PRMT8: variants seen among roughly 807,000 people sequenced by gnomAD.
PRMT8 encodes protein arginine methyltransferase 8.
PRMT8 carries 7 observed loss-of-function variants against 47.1 expected under a neutral mutation model. The ratio of observed to expected loss-of-function variants is 0.15; its 90% confidence interval spans 0.08 to 0.28. PRMT8 has a LOEUF of 0.28. PRMT8 is among the 10% of genes least tolerant of loss of function. The pLI, the probability that PRMT8 is intolerant of heterozygous loss-of-function variation, is 1.00. For synonymous variants in PRMT8, 188 were observed against 186.5 expected, an observed-to-expected ratio of 1.01 and a Z score of -0.07; for missense variants, 237 against 505.4, an observed-to-expected ratio of 0.47 and a Z score of 5.09.
At chr12:3,548,555 G>A (rs1866365204) in intron 2 of PRMT8, among the ~76,000 whole-genome samples, 1 of 151,266 alleles carries the variant, frequency 6.6e-6, no homozygotes, top group African/African-American at 2.4e-5. Context: ...TGATACATGT[G>A]AATAGCCAAT....
intron 2 of PRMT8, among the ~76,000 whole-genome samples, chr12:3,541,152 G>T (rs1385568521): frequency 6.6e-6 from 1 of 152,226 alleles, no homozygotes; most frequent in Non-Finnish European, 1.5e-5. Flanking sequence ...CTCAAATGCT[G>T]CAGTCAGAGT....
chr12:3,549,508 TTTA>T lies in PRMT8; in HGVS notation c.262-427_262-425del, dbSNP rs201940380. Among the ~76,000 whole-genome samples, 536 of 147,550 alleles carry T rather than the reference TTTA, an allele frequency of 3.6e-3. 2 individuals are homozygous for T. Among genetic ancestry groups the T allele is most frequent in the African/African-American group, 0.013 (520 of 40,098 alleles). On this transcript the variant is annotated intron_variant, in intron 2 of 9. Coordinates refer to ENST00000382622, the MANE Select transcript of PRMT8 (RefSeq NM_019854.5). ...ACACATTTTCTAGTCTTTTTTTTTT[TTTA>T]AAAAAAAGGCAAACAAAACAAAATA... is the stretch of plus-strand genomic sequence containing the variant.
chr12:3,544,436 C>T lies in PRMT8; in HGVS notation c.261+3645C>T, dbSNP rs1866290508. Reference sequence around the variant, plus strand: ...GGGGGTCTCCCCATTAGCAAACATACTCTCTGTTAGGTTTTGAAGGGAAGG... The same window carrying T: ...GGGGGTCTCCCCATTAGCAAACATATTCTCTGTTAGGTTTTGAAGGGAAGG... On this transcript the variant is annotated intron_variant, in intron 2 of 9. Coordinates refer to ENST00000382622, the MANE Select transcript of PRMT8 (RefSeq NM_019854.5). 2.6e-5 allele frequency among the ~76,000 whole-genome samples: 4 copies of T among 152,204 alleles called. No individual in the cohort carries two copies. In the South Asian group the frequency reaches 8.3e-4, roughly 31 times the overall value.
chr12:3,408,733 C>T (rs924440806), intron 1 of PRMT8, among the ~76,000 whole-genome samples: 1 of 152,172 alleles, frequency 6.6e-6, no homozygotes, highest in Non-Finnish European at 1.5e-5. Flanking sequence ...TAGGGAAAGA[C>T]TCACCTGCAG....
chr12:3,426,440 C>G (rs953715597), intron 1 of PRMT8, among the ~76,000 whole-genome samples: 1 of 152,200 alleles, frequency 6.6e-6, no homozygotes, highest in South Asian at 2.1e-4. Context: ...CATAAAAGCT[C>G]TACATCTGGG....
intron 1 of PRMT8, among the ~76,000 whole-genome samples, chr12:3,533,500 G>C (rs1866067435): frequency 6.6e-6 from 1 of 152,212 alleles, no homozygotes; most frequent in Non-Finnish European, 1.5e-5. Context: ...TTTATGGGTG[G>C]CCCAAGACCA....
At chr12:3,590,793 A>G (rs562923726) in intron 8 of PRMT8, among the ~76,000 whole-genome samples, 1 of 152,286 alleles carries the variant, frequency 6.6e-6, no homozygotes, top group South Asian at 2.1e-4. Flanking sequence ...GAAGCACTAC[A>G]GACATTTGCT....
chr12:3,432,239 G>A (rs1469543221), intron 1 of PRMT8, among the ~76,000 whole-genome samples: 1 of 152,214 alleles, frequency 6.6e-6, no homozygotes, highest in Non-Finnish European at 1.5e-5. Flanking sequence ...CTCACTGCAA[G>A]ATGGAGATAG....
chr12:3,575,754 C>T (rs1022520188), intron 6 of PRMT8, among the ~76,000 whole-genome samples: 5 of 152,218 alleles, frequency 3.3e-5, no homozygotes, highest in Admixed American at 3.3e-4. Context: ...CATGGTGACT[C>T]ATGCCTGTTA....
At chr12:3,505,285 C>T (rs532825094) in intron 1 of PRMT8, among the ~76,000 whole-genome samples, 3 of 152,276 alleles carry the variant, frequency 2.0e-5, no homozygotes, top group East Asian at 1.9e-4. Flanking sequence ...TTTAGGACTT[C>T]GACACATGTT....
intron 1 of PRMT8, among the ~76,000 whole-genome samples, chr12:3,483,665 G>T (rs947719766): frequency 6.6e-6 from 1 of 152,164 alleles, no homozygotes; most frequent in African/African-American, 2.4e-5. Flanking sequence ...CCATCACTGC[G>T]TATGTCTGAG....
chr12:3,485,475 TAAAA>T (rs1865314530), intron 1 of PRMT8, among the ~76,000 whole-genome samples: 1 of 152,160 alleles, frequency 6.6e-6, no homozygotes, highest in African/African-American at 2.4e-5. Flanking sequence ...CATATGAAAA[TAAAA>T]GCTTCTGTTC....
At chr12:3,519,027 G>A (rs1307257659) in intron 1 of PRMT8, among the ~76,000 whole-genome samples, 3 of 152,196 alleles carry the variant, frequency 2.0e-5, no homozygotes, top group Non-Finnish European at 4.4e-5. Context: ...GAAGGCAGGG[G>A]AGAGCCGGCC....
chr12:3,541,226 G>A lies in PRMT8; in HGVS notation c.261+435G>A, dbSNP rs74473557. Among the ~76,000 whole-genome samples the A allele has an allele frequency of 2.6e-3, 393 of 152,314 alleles. 3 individuals carry two copies. In the East Asian group the frequency reaches 0.053, roughly 20 times the overall value. ...ATTCTTTTGACCAATGAGCACCTCC[G>A]GGGGAAGAGCTGCAGGAAGCTTTCT... is the stretch of plus-strand genomic sequence containing the variant. On this transcript the variant is annotated intron_variant, in intron 2 of 9. Transcript: ENST00000382622.
At chr12:3,555,539 C>T (rs1336395242) in intron 4 of PRMT8, among the ~76,000 whole-genome samples, 2 of 152,148 alleles carry the variant, frequency 1.3e-5, no homozygotes, top group Admixed American at 1.3e-4. Flanking sequence ...GATTTGTAAC[C>T]AGGAAAACAA....
At chr12:3,421,876 T>G (rs1864545328) in intron 1 of PRMT8, among the ~76,000 whole-genome samples, 1 of 152,204 alleles carries the variant, frequency 6.6e-6, no homozygotes, top group South Asian at 2.1e-4. Flanking sequence ...TGAGGTAGTT[T>G]GCAAGGTCTC....
At position 3,538,451 on chromosome 12, in the gene PRMT8, C is replaced by T; in HGVS notation, c.76-2155C>T. 1 of 355,084 alleles carries T rather than the reference C, an allele frequency of 2.8e-6. No homozygotes were observed. Among genetic ancestry groups the T allele is most frequent in the East Asian group, 7.4e-5 (1 of 13,560 alleles). 22.0% of individuals were successfully genotyped at this position (355,084 alleles called of 1,614,324 possible). The stretch of plus-strand genomic sequence containing the variant: ...GCAACACCCCATGTCGCTGAATGTT[C>T]AGGGATCACAGGCCACTGCCGTTTC... On this transcript the variant is annotated intron_variant, in intron 1 of 9. Transcript: ENST00000382622. This position sits in a 1 kb window ranked among gnomAD's most constrained non-coding sequence, Gnocchi z 4.6.
chr12:3,409,103 T>C lies in PRMT8; in HGVS notation c.48+27661T>C, dbSNP rs184076427. The stretch of plus-strand genomic sequence containing the variant: ...TGGGCCCAGGCTCTCACAAACCTAC[T>C]GTGGCACCTGGGACTTGGGGTGAAG... On this transcript the variant is annotated intron_variant, in intron 1 of 9. Coordinates refer to the PRMT8 transcript ENST00000452611. This position sits in a 1 kb window ranked among gnomAD's most constrained non-coding sequence, Gnocchi z 4.4. Among the ~76,000 whole-genome samples, 1 of 152,078 alleles carries C rather than the reference T, an allele frequency of 6.6e-6. No homozygotes were observed. Among genetic ancestry groups the C allele is most frequent in the Non-Finnish European group, 1.5e-5 (1 of 68,012 alleles).
chr12:3,386,610 A>C (rs1357656732), intron 1 of PRMT8, among the ~76,000 whole-genome samples: 1 of 152,158 alleles, frequency 6.6e-6, no homozygotes, highest in Non-Finnish European at 1.5e-5. Flanking sequence ...TCGTTCGTTC[A>C]ACAATGATTT....
Sources: allele counts gnomAD v4.1 joint callset (sites outside exome capture counted in the v4.1 genomes callset), GRCh38; gene constraint gnomAD v4.1.1; non-coding constraint Gnocchi (gnomAD v3.1); transcripts MANE v1.5; gene names NCBI Gene and HGNC (gene_info 2026-07-23, HGNC 2026-07-21).